Variants in DIXDC1 observed in about 807,000 individuals in gnomAD.
The protein encoded by DIXDC1 is DIX domain containing 1.
Under a neutral mutation model 103.1 loss-of-function variants are expected in DIXDC1, and 64 were observed. The observed-to-expected ratio is 0.62, with a 90% CI of 0.51 to 0.76. The LOEUF is 0.76. Ranked by LOEUF, DIXDC1 falls within the 30% of genes least tolerant of loss-of-function variation. DIXDC1 has a pLI of 0.00. For synonymous variants in DIXDC1, 266 were observed against 298.5 expected, an observed-to-expected ratio of 0.89 and a Z score of 1.12; for missense variants, 759 against 834.2, an observed-to-expected ratio of 0.91 and a Z score of 1.11.
intron 1 of DIXDC1, among the ~76,000 whole-genome samples, chr11:111,950,062 A>G (rs1217496931): frequency 1.3e-5 from 2 of 152,170 alleles, no homozygotes; most frequent in Non-Finnish European, 2.9e-5. Context: ...AATGCATGGA[A>G]TGACAGGATC....
upstream of DIXDC1, chr11:111,937,215 G>C (rs1966232680): frequency 8.9e-7 from 1 of 1,121,358 alleles, no homozygotes. Context: ...CCGCAGGAAA[G>C]CGGGGCTGGG....
At chr11:111,945,404 A>AG (rs1383820328) in intron 1 of DIXDC1, among the ~76,000 whole-genome samples, 1 of 152,112 alleles carries the variant, frequency 6.6e-6, no homozygotes, top group Non-Finnish European at 1.5e-5. Flanking sequence ...TGACCAGTGG[A>AG]GGGGGTGATA....
At chr11:111,954,759 A>G (rs1555170409) in intron 1 of DIXDC1, among the ~76,000 whole-genome samples, 1 of 152,186 alleles carries the variant, frequency 6.6e-6, no homozygotes. Flanking sequence ...GCAAATAAAT[A>G]TGTATTATGG....
intron 10 of DIXDC1, 28 bp downstream of exon 10, chr11:111,989,083 A>C: frequency 6.4e-7 from 1 of 1,566,764 alleles, no homozygotes; most frequent in Non-Finnish European, 8.7e-7. Flanking sequence ...TAATTCTTTA[A>C]ATAAAGTCTC....
Position 111,974,903 on chromosome 11 carries a change from G to C in DIXDC1, c.576G>C (p.Glu192Asp). The C allele has an allele frequency of 6.2e-7, 1 of 1,613,702 alleles. No individual in the cohort carries two copies. Among genetic ancestry groups the C allele is most frequent in the Admixed American group, 1.7e-5 (1 of 59,990 alleles). Reference protein sequence around the residue: ...QRNSSMDEEIENPYWSVRALV... With the variant: ...QRNSSMDEEIDNPYWSVRALV... Reference sequence around the variant, plus strand: ...ACAGCAGCATGGATGAGGAAATTGAGAATCCATACTGGAGTGTGCGGGCCC... The same window carrying C: ...ACAGCAGCATGGATGAGGAAATTGACAATCCATACTGGAGTGTGCGGGCCC... The change falls in exon 5 of 20, where the codon GAG becomes GAC. Residue 192 changes from glutamate to aspartate, a missense_variant. Transcript: ENST00000440460.
At chr11:111,946,270 G>A (rs587688018) in intron 1 of DIXDC1, among the ~76,000 whole-genome samples, 2 of 152,238 alleles carry the variant, frequency 1.3e-5, no homozygotes, top group African/African-American at 4.8e-5. Flanking sequence ...CACTGTGCCC[G>A]GCTAATTTTT....
intron 7 of DIXDC1, 133 bp downstream of exon 7, chr11:111,982,620 C>T: frequency 1.0e-6 from 1 of 975,146 alleles, no homozygotes; most frequent in Non-Finnish European, 1.5e-6. Flanking sequence ...TAGGGAATAG[C>T]ACAGAAAGAG....
intron 7 of DIXDC1, among the ~76,000 whole-genome samples, chr11:111,983,802 A>G (rs755881239): frequency 6.6e-6 from 1 of 152,226 alleles, no homozygotes; most frequent in Non-Finnish European, 1.5e-5. Context: ...TTTAATTCAC[A>G]GCCACATGAT....
intron 1 of DIXDC1, among the ~76,000 whole-genome samples, chr11:111,929,082 GGCAGGAGAATC>G (rs1965930987): frequency 6.6e-6 from 1 of 152,124 alleles, no homozygotes; most frequent in African/African-American, 2.4e-5. Context: ...GGGAGGCTGA[GGCAGGAGAATC>G]GCTTGAACCT....
intron 17 of DIXDC1, among the ~76,000 whole-genome samples, chr11:112,011,295 C>T (rs1592630742): frequency 6.6e-6 from 1 of 152,250 alleles, no homozygotes; most frequent in East Asian, 1.9e-4. Context: ...ATTAAAAAGT[C>T]AGGAAACCAC....
upstream of DIXDC1, among the ~76,000 whole-genome samples, chr11:111,932,520 A>C (rs1555167762): frequency 1.3e-5 from 2 of 150,166 alleles, no homozygotes; most frequent in African/African-American, 4.9e-5. Context: ...TGGGAGGTGG[A>C]GCTTGCAGTG....
chr11:111,936,787 A>G (rs1470346716), upstream of DIXDC1, among the ~76,000 whole-genome samples: 2 of 151,454 alleles, frequency 1.3e-5, no homozygotes, highest in Non-Finnish European at 2.9e-5. Flanking sequence ...GGAAAATCCT[A>G]TGATTCACTC....
chr11:111,993,775 A>G, intron 14 of DIXDC1, 35 bp downstream of exon 14: 2 of 1,608,578 alleles, frequency 1.2e-6, no homozygotes, highest in Non-Finnish European at 1.7e-6. Context: ...TCCCACATTT[A>G]TGAAGCAAAC....
Position 112,021,583 on chromosome 11 carries a change from G to A in DIXDC1, c.*2547G>A, listed in dbSNP as rs1323088608. On this transcript the variant is annotated 3_prime_UTR_variant, in exon 20 of 20. Coordinates refer to ENST00000440460, the MANE Select transcript of DIXDC1 (RefSeq NM_001037954.4). ...TTTGAGAAAACTGAGGAACCAGAAT[G>A]CTTAGAGTTCATAAAATAATCTCTA... The A allele has an allele frequency of 1.3e-5, 2 of 152,152 alleles. No individual in the cohort carries two copies. The highest frequency in any genetic ancestry group is 6.5e-5 in the Admixed American group (1 of 15,282). The allele number at this position is 152,152 out of a possible 1,614,324, so 9.4% of individuals were successfully genotyped here.
chr11:111,947,087 A>G (rs1030327730), intron 1 of DIXDC1, among the ~76,000 whole-genome samples: 5 of 151,548 alleles, frequency 3.3e-5, no homozygotes, highest in Non-Finnish European at 7.4e-5. Flanking sequence ...TCTTGTTTTC[A>G]GCTGCTGTGT....
At chr11:111,986,045 C>A (rs1860478811) in intron 8 of DIXDC1, among the ~76,000 whole-genome samples, 1 of 152,196 alleles carries the variant, frequency 6.6e-6, no homozygotes, top group Non-Finnish European at 1.5e-5. Flanking sequence ...TTTCTAATTT[C>A]TTTATCCAGT....
rs1861717533 is a variant in DIXDC1 at position 112,020,270 on chromosome 11, T to G, written c.*1234T>G. 1 of 152,646 alleles carries G rather than the reference T, an allele frequency of 6.6e-6. No individual in the cohort carries two copies. 9.5% of individuals were successfully genotyped at this position (152,646 alleles called of 1,614,324 possible). ...CCAGTCAGCCATTATTATTTATATATGTATTACCAAAAGCAGTCTATCTGC... is the reference window on the plus strand; with the variant it reads ...CCAGTCAGCCATTATTATTTATATAGGTATTACCAAAAGCAGTCTATCTGC... On this transcript the variant is annotated 3_prime_UTR_variant, in exon 20 of 20. Coordinates refer to ENST00000440460, the MANE Select transcript of DIXDC1 (RefSeq NM_001037954.4).
At chr11:111,993,787 G>T in intron 14 of DIXDC1, 47 bp downstream of exon 14, 1 of 1,597,552 alleles carries the variant, frequency 6.3e-7, no homozygotes, top group East Asian at 2.2e-5. Context: ...GAAGCAAACG[G>T]GGAGATTGTG....
At chr11:111,945,278 A>G (rs1966554815) in intron 1 of DIXDC1, among the ~76,000 whole-genome samples, 1 of 152,180 alleles carries the variant, frequency 6.6e-6, no homozygotes. Context: ...ATATCTTACA[A>G]CTTTGAGAGA....
Sources: gnomAD v4.1 joint callset for allele counts (sites outside exome capture counted in the v4.1 genomes callset) on GRCh38, gnomAD v4.1.1 for gene constraint, MANE v1.5 for transcripts, NCBI Gene and HGNC (gene_info 2026-07-23, HGNC 2026-07-21) for gene names.